NUP93: variants seen among roughly 807,000 people sequenced by gnomAD.
NUP93 encodes the protein nucleoporin 93, also known as nuclear pore complex protein Nup93.
In NUP93, 55 loss-of-function variants were observed where a neutral mutation model predicts 107.8. The ratio of observed to expected loss-of-function variants is 0.51; its 90% confidence interval spans 0.41 to 0.64. NUP93 has a LOEUF of 0.64. Ranked by LOEUF, NUP93 falls within the 30% of genes least tolerant of loss-of-function variation. The probability of loss-of-function intolerance (pLI) is 0.00; values close to 1 mark genes in which losing one functional copy is unlikely to be tolerated. For missense variants in NUP93, 937 were observed against 1,044.7 expected (o/e 0.90, Z 1.42); for synonymous variants, 390 against 397.5 (o/e 0.98, Z 0.22).
intron 7 of NUP93, among the ~76,000 whole-genome samples, 198 bp from the exon 8 acceptor site, chr16:56,823,509 A>G (rs1253777205): frequency 1.3e-5 from 2 of 152,180 alleles, no homozygotes; most frequent in African/African-American, 4.8e-5. Flanking sequence ...AGGGGTGCTC[A>G]TCGGTGGATG....
intron 3 of NUP93, among the ~76,000 whole-genome samples, chr16:56,774,885 TTTTTTG>T (rs572601777): frequency 1.9e-3 from 295 of 151,808 alleles, no homozygotes; most frequent in Middle Eastern, 3.4e-3. Context: ...GATTAAGGTT[TTTTTTG>T]TTTTTGTTTT....
chr16:56,765,211 C>T (rs562221631), intron 3 of NUP93, among the ~76,000 whole-genome samples: 1 of 152,272 alleles, frequency 6.6e-6, no homozygotes, highest in Non-Finnish European at 1.5e-5. Context: ...AATATTTTCA[C>T]ATAATATAAA....
intron 3 of NUP93, among the ~76,000 whole-genome samples, chr16:56,797,277 G>T (rs1044718766): frequency 6.6e-6 from 1 of 152,210 alleles, no homozygotes; most frequent in Admixed American, 6.5e-5. Context: ...ATGTATAAAT[G>T]CACCAGTAGT....
chr16:56,833,310 C>A lies in NUP93; in HGVS notation c.1441C>A (p.Arg481Ser). ...QFEAAVAFLFRMERLRCHAVH... is the reference protein window; with the variant it reads ...QFEAAVAFLFSMERLRCHAVH... ...TGAAGCAGCAGTTGCCTTTCTTTTC[C>A]GCATGGAGCGGCTGCGCTGCCATGC... is the stretch of plus-strand genomic sequence containing the variant. The change falls in exon 13 of 22, where the codon CGC (arginine) becomes AGC (serine). Residue 481 changes from arginine to serine, a missense_variant. Coordinates refer to ENST00000308159, the MANE Select transcript of NUP93 (RefSeq NM_014669.5). 1 of 1,606,582 alleles carries A rather than the reference C, an allele frequency of 6.2e-7. No individual in the cohort carries two copies. Among genetic ancestry groups the A allele is most frequent in the Non-Finnish European group, 8.5e-7 (1 of 1,177,672 alleles).
intron 10 of NUP93, 32 bp from the exon 11 acceptor site, chr16:56,831,810 G>A (rs772508264): frequency 1.2e-6 from 2 of 1,607,912 alleles, no homozygotes; most frequent in Admixed American, 1.7e-5. Context: ...TATTGAGTAT[G>A]TATCTATCTG....
At chr16:56,743,419 CTG>C (rs1322101831) in intron 1 of NUP93, among the ~76,000 whole-genome samples, 1 of 152,146 alleles carries the variant, frequency 6.6e-6, no homozygotes, top group Admixed American at 6.5e-5. Context: ...CTCTTTCAAA[CTG>C]TGGGTTTTAC....
At chr16:56,843,192 A>G (rs1385082292) in intron 21 of NUP93, among the ~76,000 whole-genome samples, 3 of 152,194 alleles carry the variant, frequency 2.0e-5, no homozygotes. Flanking sequence ...AGGAGTCTAA[A>G]TGTCAGATGT....
intron 17 of NUP93, 66 bp downstream of exon 17, chr16:56,836,783 C>T (rs879799313): frequency 2.2e-5 from 22 of 1,014,818 alleles, no homozygotes; most frequent in Non-Finnish European, 3.2e-5. Context: ...ATTAAATGTG[C>T]AGCCACTTGG....
At chr16:56,819,610 A>G (rs181538749) in intron 6 of NUP93, among the ~76,000 whole-genome samples, 1 of 152,254 alleles carries the variant, frequency 6.6e-6, no homozygotes, top group East Asian at 1.9e-4. Context: ...GTGGTTGGAG[A>G]CAAAAACAGG....
At position 56,823,678 on chromosome 16, in the gene NUP93, T is replaced by C. The variant is rs114269775; in HGVS notation, c.655-29T>C. The C allele has an allele frequency of 8.1e-4, 1,305 of 1,611,138 alleles. 10 individuals are homozygous for C. The African/African-American group carries it at 0.015, about 19-fold the overall frequency. ...AGATAATTTCTCTGGCCCTGCAGCA[T>C]TGTCACATGCAGTTTCATTTATGTG... On this transcript the variant is annotated intron_variant, in intron 7 of 21. Transcript: ENST00000308159.
rs770370235 is a variant in NUP93 at position 56,828,674 on chromosome 16, A to C, written c.795-303A>C. Reference sequence around the variant, plus strand: ...TTTAACAAGAACCAACCAGAACATTAGGCTGTGAGCTGGAGCAATTATTAT... The same window carrying C: ...TTTAACAAGAACCAACCAGAACATTCGGCTGTGAGCTGGAGCAATTATTAT... On this transcript the variant is annotated intron_variant, in intron 8 of 21. Transcript: ENST00000308159. Among the ~76,000 whole-genome samples the C allele has an allele frequency of 5.6e-4, 85 of 152,364 alleles. No homozygotes were observed. The highest frequency in any genetic ancestry group is 3.4e-3 in the Middle Eastern group (1 of 294).
chr16:56,844,728 G>A lies in NUP93; in HGVS notation c.*119G>A, dbSNP rs1393947564. ...TGTTTTGTTTTGGTTTCTGTATTAT[G>A]TATTTTTGTCAACGCCAATAAATTT... On this transcript the variant is annotated 3_prime_UTR_variant, in exon 22 of 22. Coordinates refer to ENST00000308159, the MANE Select transcript of NUP93 (RefSeq NM_014669.5). 1 of 447,594 alleles carries A rather than the reference G, an allele frequency of 2.2e-6. No homozygotes were observed. Among genetic ancestry groups the A allele is most frequent in the Non-Finnish European group, 3.8e-6 (1 of 260,890 alleles). The allele number at this position is 447,594 out of a possible 1,614,324, so 27.7% of individuals were successfully genotyped here.
At chr16:56,794,082 GTAGGTAGGTAGATAGATAGA>G (rs1172163898) in intron 3 of NUP93, among the ~76,000 whole-genome samples, 318 of 136,664 alleles carry the variant, frequency 2.3e-3, no homozygotes, top group African/African-American at 8.3e-3. Context: ...AGGTAGGTAG[GTAGGTAGGTAGATAGATAGA>G]TAGATAGATA....
At chr16:56,740,206 G>T (rs1309307046) in intron 1 of NUP93, among the ~76,000 whole-genome samples, 1 of 124,458 alleles carries the variant, frequency 8.0e-6, no homozygotes, top group East Asian at 2.7e-4. Flanking sequence ...GCTGCCGGGC[G>T]GAGAGGCTCC....
intron 5 of NUP93, among the ~76,000 whole-genome samples, chr16:56,816,865 C>T (rs897527677): frequency 6.6e-6 from 1 of 152,160 alleles, no homozygotes; most frequent in South Asian, 2.1e-4. Flanking sequence ...CAATGCTACC[C>T]ATCGTCCCTT....
In NUP93 at chr16:56,831,647, T is replaced by TA. The variant is rs1596853664; in HGVS notation, c.1086-194dup. The TA allele has an allele frequency of 7.3e-6, 4 of 551,128 alleles. No homozygotes were observed. In the East Asian group the frequency reaches 1.3e-4, roughly 17 times the overall value. 34.1% of individuals were successfully genotyped at this position (551,128 alleles called of 1,614,324 possible). A position where few individuals can be genotyped will look rare whatever the true frequency, so the allele number is the denominator to read the frequency against. On this transcript the variant is annotated intron_variant, in intron 10 of 21. Coordinates refer to ENST00000308159, the MANE Select transcript of NUP93 (RefSeq NM_014669.5). The stretch of plus-strand genomic sequence containing the variant: ...AATAGAAAACCGGCAGGCCAATAGA[T>TA]ACAGGTGCAGGTAGTTGCAAGTCAG...
At chr16:56,816,324 T>G (rs1428104998) in intron 5 of NUP93, among the ~76,000 whole-genome samples, 1 of 152,220 alleles carries the variant, frequency 6.6e-6, no homozygotes, top group East Asian at 1.9e-4. Context: ...TGCTTTCAGC[T>G]GTGACAGGTG....
At chr16:56,808,859 C>T (rs1397043269) in intron 5 of NUP93, among the ~76,000 whole-genome samples, 1 of 147,224 alleles carries the variant, frequency 6.8e-6, no homozygotes, top group Non-Finnish European at 1.5e-5. Flanking sequence ...TATATATATG[C>T]AGTGTGGTTG....
rs1212554904 is a variant in NUP93, at chr16:56,783,402, A to T, written c.298-15074A>T. 6 of 874,664 alleles carry T rather than the reference A, an allele frequency of 6.9e-6. No homozygotes were observed. The African/African-American group carries it at 1.1e-4, about 16-fold the overall frequency. The allele number at this position is 874,664 out of a possible 1,614,324, so 54.2% of individuals were successfully genotyped here. ...AGAATTCGGCTCCTCTTGGCATTGG[A>T]GTTCTGGATTTACCCATGACTAAGA... On this transcript the variant is annotated intron_variant, in intron 3 of 21. Coordinates refer to ENST00000308159, the MANE Select transcript of NUP93 (RefSeq NM_014669.5).
Sources: gnomAD v4.1 joint callset for allele counts (sites outside exome capture counted in the v4.1 genomes callset) on GRCh38, gnomAD v4.1.1 for gene constraint, MANE v1.5 for transcripts, NCBI Gene and HGNC (gene_info 2026-07-23, HGNC 2026-07-21) for gene names.